Variants in LINGO2 observed in about 807,000 individuals in gnomAD.
LINGO2 encodes leucine rich repeat and Ig domain containing 2, also known as leucine-rich repeat and immunoglobulin-like domain-containing nogo receptor-interacting protein 2.
A neutral mutation model predicts 30.6 loss-of-function variants in LINGO2; 14 were observed. That is an observed-to-expected ratio of 0.46 (90% CI 0.30 to 0.72). The LOEUF is 0.72. Ranked by LOEUF, LINGO2 falls within the 30% of genes least tolerant of loss-of-function variation. The pLI is 0.07. For synonymous variants in LINGO2, 317 were observed against 288.5 expected (o/e 1.10, Z -1.00); for missense variants, 729 against 751.7 (o/e 0.97, Z 0.35).
chr9:28,774,826 C>G, the LINGO2 span, among the ~76,000 whole-genome samples: 3 of 138,340 alleles, frequency 2.2e-5, no homozygotes, highest in Non-Finnish European at 4.6e-5. Context: ...TTTTTCAAAT[C>G]AAATTAATAA....
intron 1 of LINGO2, among the ~76,000 whole-genome samples, chr9:28,521,257 A>G (rs1201101607): frequency 6.6e-6 from 1 of 152,202 alleles, no homozygotes; most frequent in Non-Finnish European, 1.5e-5. Flanking sequence ...AGGGCAGTAG[A>G]AACATCGTCT....
chr9:28,859,984 T>G, the LINGO2 span, among the ~76,000 whole-genome samples: 1 of 152,038 alleles, frequency 6.6e-6, no homozygotes, highest in Non-Finnish European at 1.5e-5. Flanking sequence ...TTTCTACAGT[T>G]CTTCTAAGTC....
At chr9:28,049,657 G>T (rs1258266267) in intron 4 of LINGO2, among the ~76,000 whole-genome samples, 1 of 150,724 alleles carries the variant, frequency 6.6e-6, no homozygotes, top group Non-Finnish European at 1.5e-5. Flanking sequence ...GTCACAAATT[G>T]ATATAAGGAT....
the LINGO2 span, among the ~76,000 whole-genome samples, chr9:29,172,951 A>G: frequency 9.9e-5 from 15 of 151,844 alleles, no homozygotes; most frequent in Non-Finnish European, 2.2e-4. Flanking sequence ...ATACAATCTC[A>G]TATTTTCTGG....
intron 1 of LINGO2, among the ~76,000 whole-genome samples, chr9:28,632,881 T>TATATAGAG (rs1554648086): frequency 1.6e-5 from 1 of 61,892 alleles, no homozygotes; most frequent in African/African-American, 6.9e-5. Flanking sequence ...TATATATATG[T>TATATAGAG]AGAGAGAGAG....
At chr9:29,113,409 G>A in the LINGO2 span, among the ~76,000 whole-genome samples, 1 of 152,096 alleles carries the variant, frequency 6.6e-6, no homozygotes, top group Non-Finnish European at 1.5e-5. Context: ...TTTTAAGAAG[G>A]GAACAGACAG....
At chr9:28,566,563 A>G (rs1214944480) in intron 1 of LINGO2, among the ~76,000 whole-genome samples, 1 of 152,102 alleles carries the variant, frequency 6.6e-6, no homozygotes, top group Non-Finnish European at 1.5e-5. Flanking sequence ...GCTCCCTCAG[A>G]TGTTGTGTAT....
At chr9:28,499,925 G>C (rs1213418822) in intron 1 of LINGO2, among the ~76,000 whole-genome samples, 3 of 152,126 alleles carry the variant, frequency 2.0e-5, no homozygotes, top group Non-Finnish European at 4.4e-5. Flanking sequence ...AAAAATGTAT[G>C]TCACCTCCTA....
intron 3 of LINGO2, among the ~76,000 whole-genome samples, chr9:28,319,871 GA>G (rs1824976019): frequency 6.6e-6 from 1 of 152,030 alleles, no homozygotes; most frequent in Admixed American, 6.6e-5. Context: ...TTACATGCAA[GA>G]AAACTGATTG....
At chr9:28,980,278 T>G in the LINGO2 span, among the ~76,000 whole-genome samples, 1 of 152,244 alleles carries the variant, frequency 6.6e-6, no homozygotes, top group East Asian at 1.9e-4. Flanking sequence ...TGCAGGAGGC[T>G]TCTAACTGAT....
At chr9:28,226,357 T>G (rs1821142637) in intron 4 of LINGO2, among the ~76,000 whole-genome samples, 1 of 152,082 alleles carries the variant, frequency 6.6e-6, no homozygotes, top group African/African-American at 2.4e-5. Context: ...CCTCTCCTCC[T>G]ACTTCTGGTA....
intron 1 of LINGO2, among the ~76,000 whole-genome samples, chr9:28,590,785 T>G (rs1478922007): frequency 6.6e-6 from 1 of 152,296 alleles, no homozygotes; most frequent in South Asian, 2.1e-4. Context: ...AAATACCATT[T>G]GACCCAGCCA....
the LINGO2 span, among the ~76,000 whole-genome samples, chr9:28,881,857 A>G: frequency 6.6e-6 from 1 of 152,202 alleles, no homozygotes; most frequent in Non-Finnish European, 1.5e-5. Flanking sequence ...CCACGTGTCC[A>G]TGTGTGCTCA....
At chr9:28,702,918 A>G in the LINGO2 span, among the ~76,000 whole-genome samples, 1 of 151,896 alleles carries the variant, frequency 6.6e-6, no homozygotes, top group Non-Finnish European at 1.5e-5. Context: ...TTGTGGGCAC[A>G]GAGTTATTAA....
At chr9:27,993,324 T>C (rs770680570) in intron 5 of LINGO2, among the ~76,000 whole-genome samples, 1 of 152,122 alleles carries the variant, frequency 6.6e-6, no homozygotes, top group Non-Finnish European at 1.5e-5. Flanking sequence ...TTATTGTTGG[T>C]TTCTCATGAA....
At chr9:28,321,257 AC>A (rs1255903404) in intron 3 of LINGO2, among the ~76,000 whole-genome samples, 1 of 152,208 alleles carries the variant, frequency 6.6e-6, no homozygotes, top group Non-Finnish European at 1.5e-5. Flanking sequence ...GAAGCCAGAG[AC>A]CTGCTTCAGA....
chr9:28,166,116 T>G (rs1828419553), intron 4 of LINGO2, among the ~76,000 whole-genome samples: 1 of 152,174 alleles, frequency 6.6e-6, no homozygotes, highest in African/African-American at 2.4e-5. Context: ...TATCTGCCAA[T>G]AACTAAGTAC....
At position 28,129,809 on chromosome 9, in the gene LINGO2, T is replaced by C. The variant is rs1053861074; in HGVS notation, c.-86-117404A>G. 1.3e-5 allele frequency: 2 copies of C among 152,198 alleles called. No individual in the cohort carries two copies. The highest frequency in any genetic ancestry group is 2.9e-5 in the Non-Finnish European group (2 of 68,036). 9.4% of individuals were successfully genotyped at this position (152,198 alleles called of 1,614,324 possible). On this transcript the variant is annotated intron_variant, in intron 4 of 5. Coordinates refer to ENST00000379992, the Ensembl canonical transcript of LINGO2. The surrounding 1 kb of genome is among the most constrained non-coding windows in gnomAD (Gnocchi z 4.0). The stretch of plus-strand genomic sequence containing the variant: ...AAGCTTTTATTTTTTATATTGTTTA[T>C]TTTTGGTTTAAGAAGGTGAAAACAT...
At chr9:28,084,689 T>C (rs1825861426) in intron 4 of LINGO2, among the ~76,000 whole-genome samples, 1 of 152,298 alleles carries the variant, frequency 6.6e-6, no homozygotes, top group East Asian at 1.9e-4. Flanking sequence ...GTTTTATCTG[T>C]ACTATGGTAT....
Sources: allele counts gnomAD v4.1 joint callset (sites outside exome capture counted in the v4.1 genomes callset), GRCh38; gene constraint gnomAD v4.1.1; non-coding constraint Gnocchi (gnomAD v3.1); transcripts MANE v1.5; gene names NCBI Gene and HGNC (gene_info 2026-07-23, HGNC 2026-07-21).